The following KAZN variants were observed in gnomAD, a reference collection of about 807,000 sequenced individuals.
KAZN encodes kazrin.
KAZN carries 40 observed loss-of-function variants against 87.4 expected under a neutral mutation model. That is an observed-to-expected ratio of 0.46 (90% confidence interval 0.36 to 0.60). The LOEUF (loss-of-function observed/expected upper bound fraction) is 0.60. KAZN is among the 20% of genes least tolerant of loss of function. KAZN has a pLI of 0.00. For synonymous variants in KAZN, 466 were observed against 458.3 expected (o/e 1.02, Z -0.22); for missense variants, 898 against 1,073.9 (o/e 0.84, Z 2.29).
rs977727526 is a variant in KAZN at position 14,743,986 on chromosome 1, A to G, written c.226+144763A>G. Among the ~76,000 whole-genome samples, 7 of 152,110 alleles carry G rather than the reference A, an allele frequency of 4.6e-5. No homozygotes were observed. In the East Asian group the frequency reaches 1.2e-3, roughly 25 times the overall value. On this transcript the variant is annotated intron_variant, in intron 1 of 14. Transcript: ENST00000376030. The stretch of plus-strand genomic sequence containing the variant: ...AGACTCTGGTACCTGGAAAAGAGGA[A>G]AATGCAAGCTGGACGGACAAAAACC...
intron 2 of KAZN, among the ~76,000 whole-genome samples, chr1:14,236,629 A>T (rs1479688479): frequency 6.6e-6 from 1 of 152,118 alleles, no homozygotes; most frequent in Non-Finnish European, 1.5e-5. Context: ...ATTGCATAAA[A>T]CGTATCGGCC....
At chr1:14,049,064 C>T (rs548032925) in intron 1 of KAZN, among the ~76,000 whole-genome samples, 17 of 152,000 alleles carry the variant, frequency 1.1e-4, no homozygotes, top group Non-Finnish European at 2.2e-4. Flanking sequence ...TGGAACCAAC[C>T]CAAATGTCCA....
chr1:14,035,463 T>C (rs1273177972), intron 1 of KAZN, among the ~76,000 whole-genome samples: 1 of 142,844 alleles, frequency 7.0e-6, no homozygotes, highest in African/African-American at 2.6e-5. Flanking sequence ...TTTTTTCTTC[T>C]TTTTTTTTTT....
At chr1:14,135,215 C>G (rs1311287445) in intron 1 of KAZN, among the ~76,000 whole-genome samples, 1 of 152,200 alleles carries the variant, frequency 6.6e-6, no homozygotes, top group African/African-American at 2.4e-5. Context: ...CTTCACAGCA[C>G]CCTGTGAGGA....
intron 2 of KAZN, among the ~76,000 whole-genome samples, chr1:14,592,991 C>G (rs756744974): frequency 6.6e-6 from 1 of 152,172 alleles, no homozygotes; most frequent in Non-Finnish European, 1.5e-5. Context: ...TGGCCCCCAG[C>G]TTATCCACTC....
intron 1 of KAZN, among the ~76,000 whole-genome samples, chr1:14,125,338 A>G (rs1236485865): frequency 6.6e-6 from 1 of 152,176 alleles, no homozygotes; most frequent in Non-Finnish European, 1.5e-5. Flanking sequence ...CCCCAGAAAG[A>G]TATGTCCATG....
At chr1:14,944,669 A>G (rs1661529927) in intron 1 of KAZN, among the ~76,000 whole-genome samples, 1 of 152,208 alleles carries the variant, frequency 6.6e-6, no homozygotes, top group Non-Finnish European at 1.5e-5. Flanking sequence ...CAGCTGAGTC[A>G]TGGTGCTGTT....
At chr1:14,412,465 T>C (rs561358637) in intron 2 of KAZN, among the ~76,000 whole-genome samples, 9 of 152,296 alleles carry the variant, frequency 5.9e-5, no homozygotes, top group African/African-American at 2.2e-4. Context: ...CAAGCTCAAG[T>C]ATACAAAAAT....
chr1:14,037,526 T>C (rs1641613046), intron 1 of KAZN, among the ~76,000 whole-genome samples: 1 of 152,214 alleles, frequency 6.6e-6, no homozygotes, highest in Non-Finnish European at 1.5e-5. Flanking sequence ...TTTAGAACCC[T>C]GAGTCCTGAT....
At chr1:14,727,114 A>AAT (rs982897593) in intron 1 of KAZN, among the ~76,000 whole-genome samples, 40 of 150,858 alleles carry the variant, frequency 2.7e-4, no homozygotes, top group Admixed American at 9.2e-4. Flanking sequence ...GAGGTTTTTA[A>AAT]ATATATATAT....
chr1:14,836,903 G>A (rs1212871464), intron 1 of KAZN, among the ~76,000 whole-genome samples: 1 of 152,034 alleles, frequency 6.6e-6, no homozygotes, highest in East Asian at 1.9e-4. Context: ...TGAAACTAAT[G>A]AGCCCTGCTG....
chr1:14,474,081 A>G (rs1668594702), intron 2 of KAZN, among the ~76,000 whole-genome samples: 1 of 152,204 alleles, frequency 6.6e-6, no homozygotes, highest in Admixed American at 6.5e-5. Context: ...GAGATCAGGG[A>G]CTATGTCTGT....
At chr1:14,981,630 C>A (rs375339454) in intron 2 of KAZN, among the ~76,000 whole-genome samples, 12 of 152,334 alleles carry the variant, frequency 7.9e-5, no homozygotes, top group Admixed American at 6.5e-4. Flanking sequence ...CGGAGCCCTG[C>A]GCTAAGCTGC....
intron 2 of KAZN, among the ~76,000 whole-genome samples, chr1:14,319,867 A>C (rs1017950429): frequency 2.0e-5 from 3 of 152,216 alleles, no homozygotes; most frequent in African/African-American, 7.2e-5. Flanking sequence ...AGGTCTTTAT[A>C]GAACACATGT....
At chr1:14,891,404 A>G (rs1654710156) in intron 1 of KAZN, among the ~76,000 whole-genome samples, 1 of 152,134 alleles carries the variant, frequency 6.6e-6, no homozygotes, top group South Asian at 2.1e-4. Flanking sequence ...GTGAGAACAT[A>G]CAATGTTTGG....
intron 2 of KAZN, among the ~76,000 whole-genome samples, chr1:14,568,832 G>A (rs976386857): frequency 6.6e-6 from 1 of 152,224 alleles, no homozygotes; most frequent in East Asian, 1.9e-4. Context: ...TTTCCTGGCA[G>A]TAGAAACTAC....
At chr1:14,577,254 G>A (rs1183959178) in intron 2 of KAZN, among the ~76,000 whole-genome samples, 4 of 152,086 alleles carry the variant, frequency 2.6e-5, no homozygotes, top group African/African-American at 7.2e-5. Flanking sequence ...AAATTGTATC[G>A]AGATTTTGTC....
intron 1 of KAZN, among the ~76,000 whole-genome samples, chr1:14,119,024 A>AAAAC (rs149580981): frequency 0.55 from 83,668 of 151,258 alleles, 24,090 homozygotes; most frequent in East Asian, 0.74. Flanking sequence ...CTGTCATTGC[A>AAAAC]AAACAAACAA....
chr1:15,030,225 GC>G (rs1363778597), intron 2 of KAZN, among the ~76,000 whole-genome samples: 1 of 152,176 alleles, frequency 6.6e-6, no homozygotes, highest in Non-Finnish European at 1.5e-5. Flanking sequence ...TCCTTAAGGA[GC>G]CTTCTGACCG....
Sources: gnomAD v4.1 joint callset for allele counts (sites outside exome capture counted in the v4.1 genomes callset) on GRCh38, gnomAD v4.1.1 for gene constraint, MANE v1.5 for transcripts, NCBI Gene and HGNC (gene_info 2026-07-23, HGNC 2026-07-21) for gene names.